KIAA1328: variants seen among roughly 807,000 people sequenced by gnomAD.
The protein encoded by KIAA1328 is KIAA1328, also known as protein hinderin.
A neutral mutation model predicts 68.1 loss-of-function variants in KIAA1328; 52 were observed. The ratio of observed to expected loss-of-function variants is 0.76; its 90% CI spans 0.61 to 0.96. The LOEUF is 0.96. Among genes scored for constraint, KIAA1328 ranks in the 40% least tolerant of loss-of-function variants. The pLI is 0.00. For missense variants in KIAA1328, 641 were observed against 677.6 expected (o/e 0.95, Z 0.60); for synonymous variants, 232 against 239.4 (o/e 0.97, Z 0.28).
chr18:37,004,355 C>T (rs915793715), intron 6 of KIAA1328, among the ~76,000 whole-genome samples: 1 of 151,708 alleles, frequency 6.6e-6, no homozygotes, highest in Non-Finnish European at 1.5e-5. Flanking sequence ...ACAATCTATA[C>T]ATCTGACAGA....
chr18:36,883,834 T>C (rs1283867070), intron 4 of KIAA1328, among the ~76,000 whole-genome samples: 1 of 152,038 alleles, frequency 6.6e-6, no homozygotes, highest in Non-Finnish European at 1.5e-5. Flanking sequence ...AATCTACTTA[T>C]TACTCTGTCA....
chr18:37,125,511 A>G (rs1207943163), intron 7 of KIAA1328, among the ~76,000 whole-genome samples: 2 of 152,210 alleles, frequency 1.3e-5, no homozygotes, highest in Admixed American at 6.5e-5. Flanking sequence ...AGAAGCAGAA[A>G]TCAATGAATT....
intron 2 of KIAA1328, among the ~76,000 whole-genome samples, chr18:36,834,756 G>T (rs1022474743): frequency 6.6e-6 from 1 of 152,102 alleles, no homozygotes; most frequent in Non-Finnish European, 1.5e-5. Flanking sequence ...ACTATTGAAG[G>T]CACCCTCATT....
intron 9 of KIAA1328, among the ~76,000 whole-genome samples, chr18:37,199,589 A>G (rs2060068717): frequency 6.6e-6 from 1 of 152,214 alleles, no homozygotes; most frequent in South Asian, 2.1e-4. Flanking sequence ...AGACTGATTT[A>G]TATTCTTTTG....
At chr18:37,079,848 C>G (rs2056887339) in intron 7 of KIAA1328, among the ~76,000 whole-genome samples, 1 of 146,832 alleles carries the variant, frequency 6.8e-6, no homozygotes, top group South Asian at 2.1e-4. Flanking sequence ...GATTGGGCCA[C>G]TGCACTCTAG....
chr18:37,073,670 G>A (rs2056611337), intron 7 of KIAA1328, among the ~76,000 whole-genome samples: 1 of 151,990 alleles, frequency 6.6e-6, no homozygotes, highest in Admixed American at 6.5e-5. Context: ...TTTACTTATT[G>A]TCTTTTTCAG....
intron 4 of KIAA1328, among the ~76,000 whole-genome samples, chr18:36,846,313 A>G (rs2047025265): frequency 6.6e-6 from 1 of 151,430 alleles, no homozygotes. Context: ...TGCTCCTTTC[A>G]CTATATATTT....
chr18:36,991,748 C>G (rs1407809947), intron 6 of KIAA1328, among the ~76,000 whole-genome samples: 1 of 152,138 alleles, frequency 6.6e-6, no homozygotes, highest in Admixed American at 6.5e-5. Flanking sequence ...GGCTGGGCCT[C>G]TATGTTGGTT....
intron 4 of KIAA1328, among the ~76,000 whole-genome samples, chr18:36,868,506 T>C (rs936239783): frequency 6.6e-6 from 1 of 152,206 alleles, no homozygotes; most frequent in African/African-American, 2.4e-5. Flanking sequence ...CTGATAATTC[T>C]CTATACATGC....
intron 7 of KIAA1328, among the ~76,000 whole-genome samples, chr18:37,116,406 G>A (rs1568426938): frequency 6.6e-6 from 1 of 152,220 alleles, no homozygotes; most frequent in East Asian, 1.9e-4. Context: ...AACAAGAAAT[G>A]GGGAAAGGAT....
intron 9 of KIAA1328, among the ~76,000 whole-genome samples, chr18:37,215,977 G>A (rs1480830875): frequency 6.6e-6 from 1 of 152,160 alleles, no homozygotes; most frequent in Non-Finnish European, 1.5e-5. Flanking sequence ...TTGTACTTCT[G>A]TGGAATCGGT....
Position 37,222,522 on chromosome 18 carries a change from T to G in KIAA1328, c.*295T>G. 1.7e-6 allele frequency: 2 copies of G among 1,178,452 alleles called. No individual in the cohort carries two copies. Among genetic ancestry groups the G allele is most frequent in the Non-Finnish European group, 2.1e-6 (2 of 948,252 alleles). 73.0% of individuals were successfully genotyped at this position (1,178,452 alleles called of 1,614,324 possible). A position where few individuals can be genotyped will look rare whatever the true frequency, so the allele number is the denominator to read the frequency against. On this transcript the variant is annotated 3_prime_UTR_variant, in exon 10 of 10. Transcript: ENST00000280020. ...CTGCGTGGTGGAAACCATTGCATATTCAGCCTCATTTCAAGAGTGTTTCCT... is the reference window on the plus strand; with the variant it reads ...CTGCGTGGTGGAAACCATTGCATATGCAGCCTCATTTCAAGAGTGTTTCCT...
intron 5 of KIAA1328, among the ~76,000 whole-genome samples, chr18:36,920,138 T>C (rs1233841768): frequency 6.6e-6 from 1 of 152,208 alleles, no homozygotes; most frequent in African/African-American, 2.4e-5. Flanking sequence ...AACGCCAATA[T>C]CCAGAATGGT....
At chr18:37,127,469 G>A (rs2058420240) in intron 7 of KIAA1328, among the ~76,000 whole-genome samples, 1 of 152,146 alleles carries the variant, frequency 6.6e-6, no homozygotes, top group African/African-American at 2.4e-5. Flanking sequence ...ATCACTTTGG[G>A]AGATGGAGGC....
chr18:36,961,881 T>C (rs1048254814), intron 6 of KIAA1328, among the ~76,000 whole-genome samples: 2 of 152,284 alleles, frequency 1.3e-5, no homozygotes, highest in Non-Finnish European at 2.9e-5. Flanking sequence ...GTAAAGACCA[T>C]TGATGCTATG....
intron 6 of KIAA1328, among the ~76,000 whole-genome samples, chr18:37,017,841 C>T (rs2054205921): frequency 6.6e-6 from 1 of 151,956 alleles, no homozygotes; most frequent in Non-Finnish European, 1.5e-5. Context: ...TTACTTTGAT[C>T]CTATCAGTAT....
chr18:36,915,411 G>A (rs2049652055), intron 5 of KIAA1328, among the ~76,000 whole-genome samples: 1 of 152,106 alleles, frequency 6.6e-6, no homozygotes, highest in Non-Finnish European at 1.5e-5. Context: ...CCCGTAGGTT[G>A]GGGAAAAAGA....
chr18:36,907,996 AGCT>A (rs2049284904), intron 5 of KIAA1328, among the ~76,000 whole-genome samples: 1 of 152,126 alleles, frequency 6.6e-6, no homozygotes, highest in Non-Finnish European at 1.5e-5. Context: ...TTCTTGAGTA[AGCT>A]TTGGTAGTTT....
At chr18:37,002,799 T>C (rs1421749670) in intron 6 of KIAA1328, among the ~76,000 whole-genome samples, 1 of 151,988 alleles carries the variant, frequency 6.6e-6, no homozygotes, top group Non-Finnish European at 1.5e-5. Flanking sequence ...GCAATTTCTA[T>C]CAAAATAACA....
Sources: gnomAD v4.1 joint callset for allele counts (sites outside exome capture counted in the v4.1 genomes callset) on GRCh38, gnomAD v4.1.1 for gene constraint, MANE v1.5 for transcripts, NCBI Gene and HGNC (gene_info 2026-07-23, HGNC 2026-07-21) for gene names.